Variants in ADA2 observed in about 807,000 individuals in gnomAD.
ADA2 encodes the protein adenosine deaminase CECR1.
Under a neutral mutation model 44.2 loss-of-function variants are expected in ADA2, and 29 were observed. The ratio of observed to expected loss-of-function variants is 0.66; its 90% CI spans 0.49 to 0.89. The LOEUF (loss-of-function observed/expected upper bound fraction) is 0.89, where lower values mean the gene tolerates loss of function less well. Ranked by LOEUF, ADA2 falls within the 40% of genes least tolerant of loss-of-function variation. ADA2 has a pLI of 0.00. For synonymous variants in ADA2, 215 were observed against 234.9 expected (o/e 0.92, Z 0.77); for missense variants, 637 against 644.8 (o/e 0.99, Z 0.13).
chr22:17,216,820 T>C (rs886894720), intron 1 of ADA2, among the ~76,000 whole-genome samples: 3 of 144,832 alleles, frequency 2.1e-5, no homozygotes, highest in Non-Finnish European at 3.0e-5. Flanking sequence ...TCAAATAAAA[T>C]GGATTAAAGT....
In ADA2 at chr22:17,203,682, A is replaced by G. The variant is rs2062318928; in HGVS notation, c.634T>C (p.Phe212Leu). Residue 212 changes from phenylalanine to leucine, a missense_variant, in exon 4 of 10, where the codon TTC becomes CTC. Physicochemically the swap from Phe to Leu is conservative, Grantham distance 22 (BLOSUM62 0). Coordinates refer to ENST00000399837, the MANE Select transcript of ADA2 (RefSeq NM_001282225.2). ...VVWSKFETIFFTISGLIHYAP... is the reference protein window; with the variant it reads ...VVWSKFETIFLTISGLIHYAP... Reference sequence around the variant, plus strand: ...TAATGGATGAGACCAGAGATGGTGAAGAAGATGGTTTCAAATTTCGACCAG... The same window carrying G: ...TAATGGATGAGACCAGAGATGGTGAGGAAGATGGTTTCAAATTTCGACCAG... The G allele has an allele frequency of 6.2e-7, 1 of 1,613,964 alleles. No homozygotes were observed. The highest frequency in any genetic ancestry group is 1.3e-5 in the African/African-American group (1 of 74,946).
intron 7 of ADA2, among the ~76,000 whole-genome samples, chr22:17,186,321 G>A (rs749267840): frequency 1.3e-5 from 2 of 152,106 alleles, no homozygotes; most frequent in African/African-American, 2.4e-5. Flanking sequence ...ACATGAGGCC[G>A]GGTAATCCCA....
intron 6 of ADA2, among the ~76,000 whole-genome samples, chr22:17,189,290 C>T (rs2062084267): frequency 6.6e-6 from 1 of 152,016 alleles, no homozygotes; most frequent in Non-Finnish European, 1.5e-5. Context: ...GTGCTGAGGG[C>T]ATGAGCCACT....
rs768133826 is a variant in ADA2 at position 17,181,579 on chromosome 22, G to T, written c.1443-3C>A. ...CACTCTCCAACAGGGTACTGTACCT[G>T]CAGGAAGAGGAGGAGCCCAGGTCAG... On this transcript the variant is annotated splice_region_variant and splice_polypyrimidine_tract_variant and intron_variant, in intron 9 of 9. Transcript: ENST00000399837. The T allele has an allele frequency of 1.9e-6, 3 of 1,600,922 alleles. No homozygotes were observed. Among genetic ancestry groups the T allele is most frequent in the Non-Finnish European group, 2.6e-6 (3 of 1,168,610 alleles).
At chr22:17,208,859 T>C (rs9680579) in intron 2 of ADA2, among the ~76,000 whole-genome samples, 4,556 of 142,740 alleles carry the variant, frequency 0.032, 194 homozygotes, top group East Asian at 0.079. Flanking sequence ...AACAGGGTCT[T>C]GCTCTGTCGC....
intron 3 of ADA2, among the ~76,000 whole-genome samples, chr22:17,205,272 G>C (rs34056296): frequency 6.6e-6 from 1 of 151,798 alleles, no homozygotes; most frequent in African/African-American, 2.4e-5. Context: ...CGCCCACCTC[G>C]GTCTCCCAAA....
intron 5 of ADA2, 72 bp from the exon 6 acceptor site, chr22:17,190,104 C>T: frequency 8.1e-7 from 1 of 1,228,960 alleles, no homozygotes; most frequent in Non-Finnish European, 1.2e-6. Flanking sequence ...AGCACACCCT[C>T]CGTGCAGGGC....
chr22:17,182,500 A>G, intron 8 of ADA2, 104 bp downstream of exon 8: 1 of 1,156,068 alleles, frequency 8.7e-7, no homozygotes, highest in Non-Finnish European at 1.3e-6. Flanking sequence ...GATGTAGGTA[A>G]CAAGAGAGTT....
chr22:17,188,241 G>A, intron 7 of ADA2, 98 bp downstream of exon 7: 2 of 778,700 alleles, frequency 2.6e-6, no homozygotes, highest in Admixed American at 2.3e-5. Flanking sequence ...AAGGGCTCTG[G>A]AAACGCCTGT....
chr22:17,208,839 T>C (rs901988022), intron 2 of ADA2, among the ~76,000 whole-genome samples: 1 of 150,058 alleles, frequency 6.7e-6, no homozygotes, highest in African/African-American at 2.5e-5. Flanking sequence ...AAAATTAACA[T>C]TTTTTGGGGA....
At chr22:17,181,602 C>A in intron 9 of ADA2, 26 bp from the exon 10 acceptor site, 2 of 1,520,962 alleles carry the variant, frequency 1.3e-6, no homozygotes, top group South Asian at 2.2e-5. Context: ...GAGCCCAGGT[C>A]AGCCTCAGGG....
At chr22:17,211,080 G>A (rs368094394) in intron 1 of ADA2, among the ~76,000 whole-genome samples, 334 of 151,746 alleles carry the variant, frequency 2.2e-3, no homozygotes, top group Non-Finnish European at 4.0e-3. Flanking sequence ...ATAAAAATAC[G>A]GCTGGGCGCG....
chr22:17,190,992 G>A (rs529518065), intron 5 of ADA2, among the ~76,000 whole-genome samples: 85 of 152,324 alleles, frequency 5.6e-4, no homozygotes, highest in African/African-American at 1.4e-3. Flanking sequence ...AGAGGGAGCC[G>A]CTGCCGGATC....
At chr22:17,199,442 C>CCCCTCCCTCCCCTCCTCTATACTCTTA in intron 4 of ADA2, 5 of 1,022,714 alleles carry the variant, frequency 4.9e-6, no homozygotes, top group South Asian at 1.3e-5. Flanking sequence ...CTATCCTCTT[C>CCCCTCCCTCCCCTCCTCTATACTCTTA]CCCTCCACCC....
At chr22:17,202,773 C>CTTTCT (rs534249476) in intron 4 of ADA2, among the ~76,000 whole-genome samples, 19,153 of 132,532 alleles carry the variant, frequency 0.14, 1,851 homozygotes, top group African/African-American at 0.29. Context: ...TCCTTTCTTT[C>CTTTCT]TTTTTTTTTT....
At chr22:17,209,865 G>A (rs2062399432) in intron 1 of ADA2, 142 bp from the exon 2 acceptor site, 2 of 586,594 alleles carry the variant, frequency 3.4e-6, no homozygotes, top group Admixed American at 3.2e-5. Flanking sequence ...AGACCTACAG[G>A]TACAGACAGG....
chr22:17,214,577 C>T (rs554454245), intron 1 of ADA2, among the ~76,000 whole-genome samples: 50 of 152,280 alleles, frequency 3.3e-4, no homozygotes, highest in Non-Finnish European at 6.3e-4. Flanking sequence ...TGCAGAGCTC[C>T]GCAGGACCCA....
Position 17,189,896 on chromosome 22 carries a change from G to A in ADA2, c.972+46C>T, listed in dbSNP as rs2231493. 4,739 of 1,392,332 alleles carry A rather than the reference G, an allele frequency of 3.4e-3. 119 individuals are homozygous for A. The African/African-American group carries it at 0.059, about 17-fold the overall frequency. The allele number at this position is 1,392,332 out of a possible 1,614,324, so 86.2% of individuals were successfully genotyped here. A position where few individuals can be genotyped will look rare whatever the true frequency, so the allele number is the denominator to read the frequency against. On this transcript the variant is annotated intron_variant, in intron 6 of 9. Coordinates refer to ENST00000399837, the MANE Select transcript of ADA2 (RefSeq NM_001282225.2). ...CCGCTCCACCCAGACAGGCATCCTC[G>A]CATGCCCCCTTAACAGGCAGCCCTT...
At chr22:17,197,831 G>T (rs111612472) in intron 4 of ADA2, among the ~76,000 whole-genome samples, 8 of 152,248 alleles carry the variant, frequency 5.3e-5, no homozygotes, top group African/African-American at 1.9e-4. Flanking sequence ...CTGAGGTCAC[G>T]AATTCGAGAC....
Sources: allele counts gnomAD v4.1 joint callset (sites outside exome capture counted in the v4.1 genomes callset), GRCh38; gene constraint gnomAD v4.1.1; transcripts MANE v1.5; gene names NCBI Gene and HGNC (gene_info 2026-07-23, HGNC 2026-07-21).